FA2H: variants seen among roughly 807,000 people sequenced by gnomAD.
The protein encoded by FA2H is fatty acid 2-hydroxylase, also known as fatty acid alpha-hydroxylase.
A neutral mutation model predicts 44.9 loss-of-function variants in FA2H; 22 were observed. The observed-to-expected ratio is 0.49, with a 90% CI of 0.35 to 0.70. The LOEUF is 0.70. FA2H is among the 30% of genes least tolerant of loss of function. The pLI, the probability that FA2H is intolerant of heterozygous loss-of-function variation, is 0.01. For missense variants in FA2H, 501 were observed against 504.9 expected (o/e 0.99, Z 0.07); for synonymous variants, 243 against 213.2 (o/e 1.14, Z -1.22).
chr16:74,740,432 CA>C (rs1962269383), intron 1 of FA2H, among the ~76,000 whole-genome samples: 1 of 151,920 alleles, frequency 6.6e-6, no homozygotes, highest in Non-Finnish European at 1.5e-5. Context: ...GCCTGGCCAA[CA>C]TGGTGAAAAC....
At position 74,721,365 on chromosome 16, in the gene FA2H, A is replaced by C. The variant is rs573180302; in HGVS notation, c.614-2205T>G. 3.3e-5 allele frequency among the ~76,000 whole-genome samples: 5 copies of C among 152,196 alleles called. No homozygotes were observed. In the East Asian group the frequency reaches 9.7e-4, roughly 29 times the overall value. Reference sequence around the variant, plus strand: ...GTATTTTTAGTAGAGACAGAGTTTCAACATGTTGGTCAGGCTGGTCTTGAG... The same window carrying C: ...GTATTTTTAGTAGAGACAGAGTTTCCACATGTTGGTCAGGCTGGTCTTGAG... On this transcript the variant is annotated intron_variant, in intron 4 of 6. Transcript: ENST00000219368.
At chr16:74,743,122 G>A (rs1211816397) in intron 1 of FA2H, among the ~76,000 whole-genome samples, 4 of 152,122 alleles carry the variant, frequency 2.6e-5, no homozygotes, top group African/African-American at 7.2e-5. Context: ...AAAGTGCTAC[G>A]ATTACTGGTG....
intron 1 of FA2H, among the ~76,000 whole-genome samples, chr16:74,743,115 G>C (rs1354356967): frequency 2.6e-5 from 4 of 152,128 alleles, no homozygotes; most frequent in African/African-American, 9.7e-5. Context: ...GCCTCCCAAA[G>C]TGCTACGATT....
rs148753355 is a variant in FA2H, at chr16:74,734,156, G to A, written c.363+5867C>T. ...GGGAAGGCATGGGTCTGTGGGCTAT[G>A]TACGTGGCTCGGGTGGGGGAGAAGG... On this transcript the variant is annotated intron_variant, in intron 2 of 6. Coordinates refer to ENST00000219368, the MANE Select transcript of FA2H (RefSeq NM_024306.5). 2.1e-3 allele frequency among the ~76,000 whole-genome samples: 322 copies of A among 152,360 alleles called. 1 individual carries two copies. Among genetic ancestry groups the A allele is most frequent in the Admixed American group, 3.3e-3 (50 of 15,306 alleles).
chr16:74,744,070 G>A (rs942008380), intron 1 of FA2H, among the ~76,000 whole-genome samples: 3 of 152,144 alleles, frequency 2.0e-5, no homozygotes, highest in Non-Finnish European at 2.9e-5. Flanking sequence ...GGCACGCCAG[G>A]ACTCCAGGAA....
intron 1 of FA2H, among the ~76,000 whole-genome samples, chr16:74,759,395 G>A (rs532908978): frequency 5.3e-5 from 8 of 152,254 alleles, no homozygotes; most frequent in African/African-American, 1.7e-4. Flanking sequence ...CTGATTGGCT[G>A]GGATCAGCTC....
rs556127035 is a variant in FA2H at position 74,718,706 on chromosome 16, T to C, written c.786+282A>G. ...AGGCACTCACTGGGCATTTGCTGAATGAATGAACGAATGAATGAGTTGTTT... is the reference window on the plus strand; with the variant it reads ...AGGCACTCACTGGGCATTTGCTGAACGAATGAACGAATGAATGAGTTGTTT... On this transcript the variant is annotated intron_variant, in intron 5 of 6. Coordinates refer to ENST00000219368, the MANE Select transcript of FA2H (RefSeq NM_024306.5). 1.7e-4 allele frequency among the ~76,000 whole-genome samples: 26 copies of C among 152,310 alleles called. 1 individual carries two copies. Among genetic ancestry groups the C allele is most frequent in the Admixed American group, 1.0e-3 (16 of 15,300 alleles).
intron 2 of FA2H, among the ~76,000 whole-genome samples, chr16:74,737,130 C>T (rs530779203): frequency 6.6e-6 from 1 of 152,210 alleles, no homozygotes; most frequent in East Asian, 1.9e-4. Context: ...TTGCCCCCTC[C>T]CCAAAGGGAG....
intron 1 of FA2H, among the ~76,000 whole-genome samples, chr16:74,763,378 C>T (rs1962747258): frequency 6.6e-6 from 1 of 152,112 alleles, no homozygotes; most frequent in Non-Finnish European, 1.5e-5. Context: ...GTATCTCAGC[C>T]TTCCGAGTAA....
chr16:74,746,296 G>A (rs947509462), intron 1 of FA2H, among the ~76,000 whole-genome samples: 5 of 151,772 alleles, frequency 3.3e-5, no homozygotes, highest in African/African-American at 9.7e-5. Context: ...GTCTCACTTC[G>A]TTGCCCAGGC....
chr16:74,750,812 T>C (rs546196927), intron 1 of FA2H, among the ~76,000 whole-genome samples: 1 of 115,184 alleles, frequency 8.7e-6, no homozygotes, highest in East Asian at 2.5e-4. Flanking sequence ...GGTCTCGCTC[T>C]GTCAGCAGGC....
intron 4 of FA2H, among the ~76,000 whole-genome samples, chr16:74,724,299 A>G (rs1346936404): frequency 6.6e-6 from 1 of 151,962 alleles, no homozygotes; most frequent in African/African-American, 2.4e-5. Context: ...ACACCACCCC[A>G]CTGGAAGCCT....
At position 74,714,079 on chromosome 16, in the gene FA2H, C is replaced by T. The variant is rs2144598677; in HGVS notation, c.*111G>A. On this transcript the variant is annotated 3_prime_UTR_variant, in exon 7 of 7. Coordinates refer to ENST00000219368, the MANE Select transcript of FA2H (RefSeq NM_024306.5). Reference sequence around the variant, plus strand: ...TTCCACTAGGCTGCAGGGCCGGACACAGCCCATCCTGCCTGGCCAAGCCAA... The same window carrying T: ...TTCCACTAGGCTGCAGGGCCGGACATAGCCCATCCTGCCTGGCCAAGCCAA... The T allele has an allele frequency of 1.4e-6, 1 of 718,232 alleles. No individual in the cohort carries two copies. 44.5% of individuals were successfully genotyped at this position (718,232 alleles called of 1,614,324 possible). A position where few individuals can be genotyped will look rare whatever the true frequency, so the allele number is the denominator to read the frequency against.
At chr16:74,745,229 C>T (rs1047199808) in intron 1 of FA2H, among the ~76,000 whole-genome samples, 10 of 152,160 alleles carry the variant, frequency 6.6e-5, no homozygotes, top group East Asian at 1.9e-4. Context: ...CTCCTGATAC[C>T]GCATTTACCT....
intron 1 of FA2H, among the ~76,000 whole-genome samples, chr16:74,769,805 C>T (rs1290469058): frequency 2.6e-5 from 4 of 152,242 alleles, no homozygotes; most frequent in Non-Finnish European, 5.9e-5. Flanking sequence ...TGGGGTGAGG[C>T]TCTTGACCCC....
chr16:74,715,488 T>C (rs990559848), intron 6 of FA2H, among the ~76,000 whole-genome samples: 2 of 152,142 alleles, frequency 1.3e-5, no homozygotes, highest in African/African-American at 4.8e-5. Flanking sequence ...AGACAAGGTC[T>C]TGCTATGTTT....
Position 74,726,041 on chromosome 16 carries a change from G to C in FA2H, c.613+184C>G, listed in dbSNP as rs1381276606. ...GTGTTGTTGGGTTTTGTATCCATTTGGGGGGTAGATGGGAGTCAGACAAAA... is the reference window on the plus strand; with the variant it reads ...GTGTTGTTGGGTTTTGTATCCATTTCGGGGGTAGATGGGAGTCAGACAAAA... On this transcript the variant is annotated intron_variant, in intron 4 of 6. Coordinates refer to ENST00000219368, the MANE Select transcript of FA2H (RefSeq NM_024306.5). The C allele has an allele frequency of 5.0e-6, 3 of 597,052 alleles. No homozygotes were observed. The East Asian group carries it at 8.9e-5, about 18-fold the overall frequency. The allele number at this position is 597,052 out of a possible 1,614,324, so 37.0% of individuals were successfully genotyped here.
rs376568965 is a variant in FA2H at position 74,754,134 on chromosome 16, G to A, written c.271-14019C>T. 6.6e-5 allele frequency among the ~76,000 whole-genome samples: 10 copies of A among 152,296 alleles called. 1 individual carries two copies. In the East Asian group the frequency reaches 7.7e-4, roughly 12 times the overall value. On this transcript the variant is annotated intron_variant, in intron 1 of 6. Coordinates refer to ENST00000219368, the MANE Select transcript of FA2H (RefSeq NM_024306.5). ...ATTGGGGCCAGGCACAGTGGCTCAC[G>A]CCTGTAATTGCAGCACTTTGGGAGG...
chr16:74,751,599 C>T (rs1255937120), intron 1 of FA2H, among the ~76,000 whole-genome samples: 3 of 151,824 alleles, frequency 2.0e-5, no homozygotes, highest in Non-Finnish European at 4.4e-5. Context: ...GACATGGCCA[C>T]AGGTAAGGGA....
Sources: allele counts gnomAD v4.1 joint callset (sites outside exome capture counted in the v4.1 genomes callset), GRCh38; gene constraint gnomAD v4.1.1; transcripts MANE v1.5; gene names NCBI Gene and HGNC (gene_info 2026-07-23, HGNC 2026-07-21).